The following SMYD3 variants were observed in gnomAD, a reference collection of about 807,000 sequenced individuals.
SMYD3 encodes histone-lysine N-methyltransferase SMYD3.
A neutral mutation model predicts 57.7 loss-of-function variants in SMYD3; 36 were observed. That is an observed-to-expected ratio of 0.62 (90% CI 0.48 to 0.82). SMYD3 has a LOEUF of 0.82. Among genes scored for constraint, SMYD3 ranks in the 40% least tolerant of loss-of-function variants. The probability of loss-of-function intolerance (pLI) is 0.00; values close to 1 mark genes in which losing one functional copy is unlikely to be tolerated. For missense variants in SMYD3, 515 were observed against 538.8 expected (o/e 0.96, Z 0.44); for synonymous variants, 211 against 195.0 (o/e 1.08, Z -0.68).
At chr1:246,348,463 A>G (rs1473247774) in intron 2 of SMYD3, among the ~76,000 whole-genome samples, 1 of 152,134 alleles carries the variant, frequency 6.6e-6, no homozygotes, top group Non-Finnish European at 1.5e-5. Context: ...AAATGGATGC[A>G]GCTGGAGGCC....
chr1:245,930,552 A>C (rs964604210), intron 5 of SMYD3: 2 of 166,856 alleles, frequency 1.2e-5, no homozygotes, highest in African/African-American at 4.8e-5. Context: ...CAGAAGCAGT[A>C]AAAAACACAA....
intron 1 of SMYD3, among the ~76,000 whole-genome samples, chr1:246,419,343 A>T (rs2067107836): frequency 6.6e-6 from 1 of 152,194 alleles, no homozygotes; most frequent in African/African-American, 2.4e-5. Flanking sequence ...GTCTCTTCAC[A>T]TGGACACGTG....
intron 5 of SMYD3, among the ~76,000 whole-genome samples, chr1:246,051,620 T>A (rs903526702): frequency 6.6e-6 from 1 of 151,252 alleles, no homozygotes; most frequent in African/African-American, 2.4e-5. Flanking sequence ...GCAATTAAAC[T>A]GTAGGCCATA....
intron 5 of SMYD3, among the ~76,000 whole-genome samples, chr1:246,269,692 A>C (rs1401520217): frequency 6.6e-6 from 1 of 151,816 alleles, no homozygotes; most frequent in Non-Finnish European, 1.5e-5. Context: ...CCTCAGCCGT[A>C]AGCAGCCGGG....
At chr1:245,978,507 C>A (rs769074445) in intron 5 of SMYD3, among the ~76,000 whole-genome samples, 5 of 152,100 alleles carry the variant, frequency 3.3e-5, no homozygotes, top group African/African-American at 1.2e-4. Context: ...TTATAGACTG[C>A]GTCTTTCTAC....
rs79385914 is a variant in SMYD3 at position 245,871,256 on chromosome 1, G to T, written c.814-7370C>A. Among the ~76,000 whole-genome samples the T allele has an allele frequency of 3.9e-3, 598 of 152,316 alleles. 11 individuals are homozygous for T. In the East Asian group the frequency reaches 0.062, roughly 16 times the overall value. The stretch of plus-strand genomic sequence containing the variant: ...ATTTGCAGTGTCTTTGACTGAGGTA[G>T]TCTGGTTGGGGCAATATACTGGGAC... On this transcript the variant is annotated intron_variant, in intron 8 of 11. Transcript: ENST00000490107.
chr1:245,936,061 A>G (rs948380331), intron 5 of SMYD3, among the ~76,000 whole-genome samples: 6 of 152,356 alleles, frequency 3.9e-5, no homozygotes, highest in African/African-American at 1.4e-4. Flanking sequence ...ACATGAGGTA[A>G]GGGATATGCT....
rs768165961 is a variant in SMYD3 at position 246,335,404 on chromosome 1, T to A, written c.299A>T (p.Asp100Val). The stretch of plus-strand genomic sequence containing the variant: ...AACTCTGCCAAGAAGTCGAACGGAG[T>A]CTGGAGGATATCTGGGTTTGCAGCT... ...LKSCKPRYPPDSVRLLGRVVF... is the reference protein window; with the variant it reads ...LKSCKPRYPPVSVRLLGRVVF... Residue 100 changes from aspartate (D) to valine (V), a missense_variant, in exon 3 of 12, where the codon GAC becomes GTC. By Grantham distance (152) the Asp-to-Val change is radical (BLOSUM62 -3). Coordinates refer to ENST00000490107, the MANE Select transcript of SMYD3 (RefSeq NM_001167740.2). 1 of 1,613,892 alleles carries A rather than the reference T, an allele frequency of 6.2e-7. No individual in the cohort carries two copies. Among genetic ancestry groups the A allele is most frequent in the African/African-American group, 1.3e-5 (1 of 74,864 alleles).
intron 5 of SMYD3, among the ~76,000 whole-genome samples, chr1:246,090,113 A>T (rs1328607689): frequency 6.6e-6 from 1 of 152,172 alleles, no homozygotes; most frequent in Non-Finnish European, 1.5e-5. Flanking sequence ...TATTAAGAAT[A>T]AGGTGAAACT....
chr1:245,763,491 G>T (rs1014403330), intron 11 of SMYD3, among the ~76,000 whole-genome samples: 2 of 152,160 alleles, frequency 1.3e-5, no homozygotes, highest in Non-Finnish European at 2.9e-5. Flanking sequence ...ACTTAAGGCA[G>T]AGGAAAAAAT....
chr1:245,905,362 A>G (rs1173200748), intron 8 of SMYD3, among the ~76,000 whole-genome samples: 1 of 152,108 alleles, frequency 6.6e-6, no homozygotes, highest in Non-Finnish European at 1.5e-5. Context: ...CCCTGACTAG[A>G]GTCCCAAATC....
intron 5 of SMYD3, among the ~76,000 whole-genome samples, chr1:245,964,305 G>A (rs1558539496): frequency 6.6e-6 from 1 of 152,136 alleles, no homozygotes; most frequent in African/African-American, 2.4e-5. Context: ...CAACACTGGG[G>A]GTCATATTTC....
At chr1:245,921,620 C>T (rs1305812320) in intron 7 of SMYD3, among the ~76,000 whole-genome samples, 1 of 149,984 alleles carries the variant, frequency 6.7e-6, no homozygotes, top group African/African-American at 2.5e-5. Flanking sequence ...GACATCATGT[C>T]CTTTGTGGCA....
At chr1:246,412,812 C>T (rs984468594) in intron 1 of SMYD3, among the ~76,000 whole-genome samples, 2 of 145,074 alleles carry the variant, frequency 1.4e-5, no homozygotes, top group Admixed American at 7.1e-5. Flanking sequence ...GAGCCGAGAT[C>T]GCACCATTGC....
chr1:246,486,168 A>G (rs190461875), intron 1 of SMYD3, among the ~76,000 whole-genome samples: 17 of 152,270 alleles, frequency 1.1e-4, no homozygotes, highest in African/African-American at 3.6e-4. Context: ...TGTTTTTATT[A>G]TTGTTGTTAA....
intron 10 of SMYD3, among the ~76,000 whole-genome samples, chr1:245,840,370 G>A (rs933459768): frequency 1.3e-5 from 2 of 152,138 alleles, no homozygotes; most frequent in Admixed American, 1.3e-4. Context: ...TTACGAGACC[G>A]TGTAATAGGC....
chr1:246,008,174 T>C (rs372807365), intron 5 of SMYD3, among the ~76,000 whole-genome samples: 1 of 152,222 alleles, frequency 6.6e-6, no homozygotes, highest in Non-Finnish European at 1.5e-5. Context: ...AGGGCAAGAA[T>C]GGAAGGCTGA....
At chr1:245,929,210 A>T (rs1490463069) in intron 6 of SMYD3, among the ~76,000 whole-genome samples, 1 of 152,248 alleles carries the variant, frequency 6.6e-6, no homozygotes, top group African/African-American at 2.4e-5. Context: ...ACCTACCAGT[A>T]GACCTGACCT....
intron 1 of SMYD3, among the ~76,000 whole-genome samples, chr1:246,451,270 C>T (rs879270919): frequency 1.3e-5 from 2 of 152,202 alleles, no homozygotes; most frequent in Admixed American, 6.5e-5. Flanking sequence ...TCAAAACCAA[C>T]AGCATTTTAT....
Sources: gnomAD v4.1 joint callset for allele counts (sites outside exome capture counted in the v4.1 genomes callset) on GRCh38, gnomAD v4.1.1 for gene constraint, MANE v1.5 for transcripts, NCBI Gene and HGNC (gene_info 2026-07-23, HGNC 2026-07-21) for gene names.